The following IPCEF1 variants were observed in gnomAD, a reference collection of about 807,000 sequenced individuals.
IPCEF1 encodes interaction protein for cytohesin exchange factors 1.
In IPCEF1, 31 loss-of-function variants were observed where a neutral mutation model predicts 50.9. The ratio of observed to expected loss-of-function variants is 0.61; its 90% confidence interval spans 0.46 to 0.82. The LOEUF is 0.82. Ranked by LOEUF, IPCEF1 falls within the 40% of genes least tolerant of loss-of-function variation. IPCEF1 has a pLI of 0.00. For synonymous variants in IPCEF1, 181 were observed against 192.0 expected, an observed-to-expected ratio of 0.94 and a Z score of 0.47; for missense variants, 458 against 514.0, an observed-to-expected ratio of 0.89 and a Z score of 1.05.
intron 1 of IPCEF1, among the ~76,000 whole-genome samples, chr6:154,303,785 T>C (rs963779023): frequency 1.3e-5 from 2 of 152,034 alleles, no homozygotes; most frequent in African/African-American, 2.4e-5. Context: ...TAACGAGGCA[T>C]GTTGGTGCAC....
chr6:154,185,442 C>G (rs1175183815), intron 10 of IPCEF1, among the ~76,000 whole-genome samples: 3 of 152,112 alleles, frequency 2.0e-5, no homozygotes, highest in Non-Finnish European at 2.9e-5. Context: ...TCATAACTGC[C>G]ATCACTTGCC....
At chr6:154,321,778 TAAA>T (rs61648946) in intron 1 of IPCEF1, among the ~76,000 whole-genome samples, 2 of 51,934 alleles carry the variant, frequency 3.9e-5, no homozygotes, top group African/African-American at 1.1e-4. Flanking sequence ...AGACTCTTTC[TAAA>T]AAAAAAAAAA....
chr6:154,313,834 A>G (rs1220218110), intron 1 of IPCEF1, among the ~76,000 whole-genome samples: 1 of 151,998 alleles, frequency 6.6e-6, no homozygotes, highest in Non-Finnish European at 1.5e-5. Context: ...GCCTCAAACT[A>G]CAGGACTCAG....
At chr6:154,307,593 G>C (rs1350095269) in intron 1 of IPCEF1, among the ~76,000 whole-genome samples, 1 of 152,098 alleles carries the variant, frequency 6.6e-6, no homozygotes, top group Non-Finnish European at 1.5e-5. Context: ...CTATAACCGT[G>C]GTCCAGAACT....
At chr6:154,345,649 C>T (rs571554436) in intron 1 of IPCEF1, among the ~76,000 whole-genome samples, 3 of 152,216 alleles carry the variant, frequency 2.0e-5, no homozygotes, top group South Asian at 2.1e-4. Context: ...TGGTTGAAAA[C>T]GTGTTAGATT....
chr6:154,216,029 T>G (rs1778365166), intron 7 of IPCEF1, among the ~76,000 whole-genome samples: 1 of 152,164 alleles, frequency 6.6e-6, no homozygotes, highest in South Asian at 2.1e-4. Context: ...GAATTAAACA[T>G]GAAAACTGAT....
chr6:154,175,748 G>T (rs7755913), intron 10 of IPCEF1, among the ~76,000 whole-genome samples: 1 of 152,062 alleles, frequency 6.6e-6, no homozygotes, highest in Non-Finnish European at 1.5e-5. Flanking sequence ...GAGGTACAAA[G>T]AGGAGCTGGT....
chr6:154,269,990 T>A (rs1781862653), intron 2 of IPCEF1, among the ~76,000 whole-genome samples: 1 of 152,172 alleles, frequency 6.6e-6, no homozygotes, highest in Non-Finnish European at 1.5e-5. Flanking sequence ...AGAAAAATAA[T>A]CCTGGCAAAG....
chr6:154,265,999 G>A (rs1472508396), intron 2 of IPCEF1, 35 bp from the exon 3 acceptor site: 1 of 1,238,054 alleles, frequency 8.1e-7, no homozygotes, highest in Admixed American at 2.0e-5. Context: ...TTAAATGTGA[G>A]ATTAAAGTGT....
chr6:154,212,898 C>G, intron 8 of IPCEF1, 43 bp from the exon 9 acceptor site: 1 of 1,321,104 alleles, frequency 7.6e-7, no homozygotes, highest in Non-Finnish European at 1.1e-6. Context: ...ACGCTGTCAT[C>G]GCTTATTCCA....
chr6:154,176,565 CATAA>C (rs1414086847), intron 10 of IPCEF1, among the ~76,000 whole-genome samples: 1 of 152,068 alleles, frequency 6.6e-6, no homozygotes, highest in Non-Finnish European at 1.5e-5. Context: ...AACTCCCATT[CATAA>C]TTACTATAAA....
intron 10 of IPCEF1, 49 bp downstream of exon 10, chr6:154,199,619 C>T: frequency 6.7e-7 from 1 of 1,501,304 alleles, no homozygotes; most frequent in South Asian, 1.3e-5. Context: ...GTTCCATATA[C>T]AAACAAATAT....
intron 5 of IPCEF1, among the ~76,000 whole-genome samples, chr6:154,237,375 CG>C (rs1344538721): frequency 6.6e-6 from 1 of 152,140 alleles, no homozygotes; most frequent in Non-Finnish European, 1.5e-5. Context: ...ATCCTTTACA[CG>C]GGGTCGGTAG....
intron 9 of IPCEF1, among the ~76,000 whole-genome samples, chr6:154,205,781 C>T (rs1410924653): frequency 6.6e-6 from 1 of 152,108 alleles, no homozygotes; most frequent in Non-Finnish European, 1.5e-5. Context: ...TTGTTTACCC[C>T]AGGCTGCCAC....
intron 7 of IPCEF1, among the ~76,000 whole-genome samples, chr6:154,215,420 A>G (rs1351137697): frequency 6.6e-6 from 1 of 152,058 alleles, no homozygotes; most frequent in Non-Finnish European, 1.5e-5. Flanking sequence ...CCTGACCAAC[A>G]GGGAGAAACC....
intron 1 of IPCEF1, among the ~76,000 whole-genome samples, chr6:154,305,769 G>T (rs1782916392): frequency 6.6e-6 from 1 of 152,214 alleles, no homozygotes; most frequent in Non-Finnish European, 1.5e-5. Flanking sequence ...GAAGGTGGGA[G>T]AAATGGACTT....
At chr6:154,287,309 C>A (rs1460695267) in intron 2 of IPCEF1, among the ~76,000 whole-genome samples, 1 of 152,052 alleles carries the variant, frequency 6.6e-6, no homozygotes, top group Non-Finnish European at 1.5e-5. Flanking sequence ...CCAATTAAAC[C>A]TCCTTTCTTT....
chr6:154,199,870 T>C lies in IPCEF1; in HGVS notation c.708A>G (p.Gly236=). The change falls in exon 10 of 12, where the codon GGA becomes GGG. Residue 236 remains glycine (G), a synonymous_variant. Transcript: ENST00000367220. Reference sequence around the variant, plus strand: ...CTTGCACAGCAAACGTTATTGGTTGTCCCTCATCTTCAGCAGCAGACAAAC... The same window carrying C: ...CTTGCACAGCAAACGTTATTGGTTGCCCCTCATCTTCAGCAGCAGACAAAC... ...VNSLSAAEDE[G]QPITFAVQVH... 6.2e-7 allele frequency: 1 copy of C among 1,614,202 alleles called. No homozygotes were observed. Among genetic ancestry groups the C allele is most frequent in the Non-Finnish European group, 8.5e-7 (1 of 1,180,022 alleles).
At chr6:154,291,025 C>A (rs879276995) in intron 1 of IPCEF1, among the ~76,000 whole-genome samples, 2 of 151,838 alleles carry the variant, frequency 1.3e-5, no homozygotes, top group Admixed American at 6.6e-5. Flanking sequence ...TCCTGAGTAG[C>A]TGGGATTACA....
Sources: allele counts gnomAD v4.1 joint callset (sites outside exome capture counted in the v4.1 genomes callset), GRCh38; gene constraint gnomAD v4.1.1; transcripts MANE v1.5; gene names NCBI Gene and HGNC (gene_info 2026-07-23, HGNC 2026-07-21).